Variants in POR observed in about 807,000 individuals in gnomAD.
The protein encoded by POR is NADPH--cytochrome P450 reductase.
In POR, 56 loss-of-function variants were observed where a neutral mutation model predicts 84.0. The ratio of observed to expected loss-of-function variants is 0.67; its 90% CI spans 0.54 to 0.83. The LOEUF is 0.83. Among genes scored for constraint, POR ranks in the 40% least tolerant of loss-of-function variants. The pLI, the probability that POR is intolerant of heterozygous loss-of-function variation, is 0.00. For missense variants in POR, 938 were observed against 944.3 expected (o/e 0.99, Z 0.09); for synonymous variants, 414 against 400.5 (o/e 1.03, Z -0.40).
intron 1 of POR, among the ~76,000 whole-genome samples, chr7:75,940,007 C>T (rs1807895865): frequency 6.6e-6 from 1 of 151,888 alleles, no homozygotes; most frequent in Non-Finnish European, 1.5e-5. Context: ...CTCAAGTGAT[C>T]TCCTGCCTTA....
chr7:75,941,346 G>T (rs10272888), intron 1 of POR, among the ~76,000 whole-genome samples: 2 of 152,164 alleles, frequency 1.3e-5, no homozygotes. Flanking sequence ...CATGGTTCAC[G>T]TATTCCGGAA....
At chr7:75,942,707 C>T (rs1235133537) in intron 1 of POR, among the ~76,000 whole-genome samples, 2 of 151,654 alleles carry the variant, frequency 1.3e-5, no homozygotes, top group Non-Finnish European at 2.9e-5. Flanking sequence ...AAAGGTTTTT[C>T]ACTTGTTCTA....
chr7:75,970,382 A>G (rs1554555965), intron 2 of POR, among the ~76,000 whole-genome samples: 1 of 150,422 alleles, frequency 6.6e-6, no homozygotes, highest in Non-Finnish European at 1.5e-5. Context: ...ATCGCACCGC[A>G]CGGTCATGTG....
intron 1 of POR, chr7:75,918,843 C>G (rs1451748018): frequency 6.6e-6 from 1 of 152,080 alleles, no homozygotes; most frequent in African/African-American, 2.4e-5. Flanking sequence ...TCTGAGCCCA[C>G]CCAGGCACAC....
intron 1 of POR, among the ~76,000 whole-genome samples, chr7:75,945,664 G>A (rs1421295571): frequency 2.6e-5 from 4 of 152,074 alleles, no homozygotes; most frequent in Admixed American, 1.3e-4. Context: ...GAATGACCCC[G>A]CTCCCCCTGC....
In POR at chr7:75,979,486, G is replaced by A. The variant is rs782149136; in HGVS notation, c.273G>A (p.Thr91=). 6.4e-5 allele frequency: 104 copies of A among 1,613,274 alleles called. No individual in the cohort carries two copies. The highest frequency in any genetic ancestry group is 8.0e-5 in the Non-Finnish European group (94 of 1,179,822). Residue 91 remains threonine, a synonymous_variant, in exon 4 of 16, where the codon ACG becomes ACA. Coordinates refer to ENST00000461988, the MANE Select transcript of POR (RefSeq NM_000941.3). ...TCATCGTGTTCTACGGCTCCCAGAC[G>A]GGGACTGCAGAGGAGTTTGCCAACC...
chr7:75,951,359 A>G (rs775030142), intron 1 of POR, among the ~76,000 whole-genome samples: 36 of 152,234 alleles, frequency 2.4e-4, no homozygotes, highest in Non-Finnish European at 4.1e-4. Context: ...GTGCCATTGC[A>G]CTCTAGCCAG....
chr7:75,948,408 T>G (rs1787270833), intron 1 of POR, among the ~76,000 whole-genome samples: 1 of 152,194 alleles, frequency 6.6e-6, no homozygotes, highest in African/African-American at 2.4e-5. Flanking sequence ...AGGAAGTCAG[T>G]CACAGCCTCA....
At chr7:75,970,389 T>C (rs1788377271) in intron 2 of POR, among the ~76,000 whole-genome samples, 1 of 150,210 alleles carries the variant, frequency 6.7e-6, no homozygotes, top group Non-Finnish European at 1.5e-5. Context: ...CGCACGGTCA[T>C]GTGATCGCAC....
At chr7:75,957,077 A>C (rs1401844015) in intron 2 of POR, among the ~76,000 whole-genome samples, 1 of 152,194 alleles carries the variant, frequency 6.6e-6, no homozygotes, top group Non-Finnish European at 1.5e-5. Context: ...TACATTGTCT[A>C]ATCAGGGCCT....
At chr7:75,971,463 G>A (rs2116528160) in intron 2 of POR, among the ~76,000 whole-genome samples, 1 of 152,112 alleles carries the variant, frequency 6.6e-6, no homozygotes, top group African/African-American at 2.4e-5. Flanking sequence ...CAGGCTTGGG[G>A]CAAGGGTCAG....
chr7:75,936,086 C>CTTTTTTT (rs869164954), intron 1 of POR, among the ~76,000 whole-genome samples: 29 of 99,768 alleles, frequency 2.9e-4, no homozygotes, highest in Middle Eastern at 6.3e-3. Flanking sequence ...TTCTTTCTTT[C>CTTTTTTT]TTTTTTTTTT....
At position 75,984,813 on chromosome 7, in the gene POR, C is replaced by T. The variant is rs377500167; in HGVS notation, c.1103C>T (p.Thr368Met). 6.8e-6 allele frequency: 11 copies of T among 1,612,660 alleles called. No individual in the cohort carries two copies. The highest frequency in any genetic ancestry group is 1.7e-4 in the Middle Eastern group (1 of 6,060). The change falls in exon 11 of 16, where the codon ACG (threonine) becomes ATG (methionine). Residue 368 changes from threonine to methionine, a missense_variant. By Grantham distance (81) the Thr-to-Met change is moderately conservative (BLOSUM62 -1). Coordinates refer to ENST00000461988, the MANE Select transcript of POR (RefSeq NM_000941.3). The stretch of plus-strand genomic sequence containing the variant: ...AAGAAGCACCCATTCCCGTGCCCTA[C>T]GTCCTACCGCACGGCCCTCACCTAC...
At chr7:75,977,816 A>G (rs1788766594) in intron 3 of POR, among the ~76,000 whole-genome samples, 2 of 152,170 alleles carry the variant, frequency 1.3e-5, no homozygotes, top group Non-Finnish European at 2.9e-5. Flanking sequence ...AAAAAGAAAA[A>G]TGCCTTAGGC....
At chr7:75,951,996 G>A (rs1471907759) in intron 1 of POR, among the ~76,000 whole-genome samples, 1 of 150,494 alleles carries the variant, frequency 6.6e-6, no homozygotes, top group Non-Finnish European at 1.5e-5. Context: ...GGACGGGGCG[G>A]CTGGCGGGGC....
intron 1 of POR, among the ~76,000 whole-genome samples, chr7:75,928,736 C>G (rs1807274254): frequency 6.6e-6 from 1 of 152,000 alleles, no homozygotes; most frequent in South Asian, 2.1e-4. Flanking sequence ...GTGCTGTGGC[C>G]TGGAGGACTT....
At chr7:75,968,501 G>C (rs868952865) in intron 2 of POR, among the ~76,000 whole-genome samples, 13 of 152,266 alleles carry the variant, frequency 8.5e-5, no homozygotes, top group Non-Finnish European at 1.6e-4. Context: ...ATGGAATGGA[G>C]CCCATTCAGA....
intron 1 of POR, chr7:75,946,895 C>T (rs781837771): frequency 6.6e-6 from 1 of 152,178 alleles, no homozygotes; most frequent in South Asian, 2.1e-4. Context: ...CAGTCAAGAC[C>T]GCCAGAGTTT....
At chr7:75,957,839 GC>G (rs1554553976) in intron 2 of POR, among the ~76,000 whole-genome samples, 1 of 152,128 alleles carries the variant, frequency 6.6e-6, no homozygotes. Flanking sequence ...TGCAGCCAGG[GC>G]TTTTACCTGT....
Sources: allele counts gnomAD v4.1 joint callset (sites outside exome capture counted in the v4.1 genomes callset), GRCh38; gene constraint gnomAD v4.1.1; transcripts MANE v1.5; gene names NCBI Gene and HGNC (gene_info 2026-07-23, HGNC 2026-07-21).